Variants in CAMK4 observed in about 807,000 individuals in gnomAD.
CAMK4 encodes the protein calcium/calmodulin-dependent protein kinase type IV.
CAMK4 carries 22 observed loss-of-function variants against 44.9 expected under a neutral mutation model. The observed-to-expected ratio is 0.49, with a 90% CI of 0.35 to 0.70. CAMK4 has a LOEUF of 0.70. CAMK4 is among the 30% of genes least tolerant of loss of function. The pLI, the probability that CAMK4 is intolerant of heterozygous loss-of-function variation, is 0.01. For synonymous variants in CAMK4, 218 were observed against 215.4 expected, an observed-to-expected ratio of 1.01 and a Z score of -0.11; for missense variants, 498 against 586.8, an observed-to-expected ratio of 0.85 and a Z score of 1.56.
rs532509818 is a variant in CAMK4, at chr5:111,335,895, C to G, written c.162-8129C>G. Among the ~76,000 whole-genome samples the G allele has an allele frequency of 3.3e-5, 5 of 151,392 alleles. No individual in the cohort carries two copies. In the East Asian group the frequency reaches 9.8e-4, roughly 30 times the overall value. On this transcript the variant is annotated intron_variant, in intron 1 of 10. Coordinates refer to ENST00000282356, the MANE Select transcript of CAMK4 (RefSeq NM_001744.6). Reference sequence around the variant, plus strand: ...TTTTACAAACACATTACAGGTTTGACAACTCTCTCTTTTTGTGTAATGAAA... The same window carrying G: ...TTTTACAAACACATTACAGGTTTGAGAACTCTCTCTTTTTGTGTAATGAAA...
chr5:111,449,388 AAGG>A (rs1173127966), intron 7 of CAMK4, among the ~76,000 whole-genome samples, 185 bp downstream of exon 7: 1 of 152,220 alleles, frequency 6.6e-6, no homozygotes, highest in East Asian at 1.9e-4. Flanking sequence ...TGAGAGGTTC[AAGG>A]ATGTTGGTTT....
chr5:111,361,516 A>G (rs932643019), intron 2 of CAMK4, among the ~76,000 whole-genome samples: 1 of 152,056 alleles, frequency 6.6e-6, no homozygotes, highest in Non-Finnish European at 1.5e-5. Flanking sequence ...AATTACCAAA[A>G]TTACTGTCTT....
chr5:111,321,011 A>G (rs1748640507), intron 1 of CAMK4, among the ~76,000 whole-genome samples: 1 of 152,176 alleles, frequency 6.6e-6, no homozygotes, highest in African/African-American at 2.4e-5. Flanking sequence ...ATGGACTCCT[A>G]ACCACTAGAC....
At chr5:111,244,256 A>T (rs1424122703) in intron 1 of CAMK4, among the ~76,000 whole-genome samples, 3 of 152,224 alleles carry the variant, frequency 2.0e-5, no homozygotes, top group Non-Finnish European at 4.4e-5. Context: ...TCTACCTTGT[A>T]TGTTTTGCTT....
At chr5:111,459,398 A>G (rs1355136515) in intron 7 of CAMK4, among the ~76,000 whole-genome samples, 1 of 152,088 alleles carries the variant, frequency 6.6e-6, no homozygotes, top group Non-Finnish European at 1.5e-5. Context: ...AAGCTGATTG[A>G]CTCATCACTC....
In CAMK4 at chr5:111,351,436, G is replaced by A. The variant is rs75014826; in HGVS notation, c.240+7334G>A. ...TTTTTTTTTTTTGAGACAGAGTTTCGCTTTTGTTGTACATGCTGGAGTGTG... is the reference window on the plus strand; with the variant it reads ...TTTTTTTTTTTTGAGACAGAGTTTCACTTTTGTTGTACATGCTGGAGTGTG... On this transcript the variant is annotated intron_variant, in intron 2 of 10. Transcript: ENST00000282356. Among the ~76,000 whole-genome samples, 513 of 148,870 alleles carry A rather than the reference G, an allele frequency of 3.4e-3. 3 individuals carry two copies. The highest frequency in any genetic ancestry group is 0.011 in the African/African-American group (436 of 40,270).
intron 1 of CAMK4, among the ~76,000 whole-genome samples, chr5:111,310,647 A>G (rs1748162428): frequency 6.6e-6 from 1 of 152,186 alleles, no homozygotes; most frequent in African/African-American, 2.4e-5. Context: ...AGCTAGTATT[A>G]CTTTTCATGC....
chr5:111,346,867 A>G (rs560293272), intron 2 of CAMK4, among the ~76,000 whole-genome samples: 1 of 149,542 alleles, frequency 6.7e-6, no homozygotes, highest in East Asian at 2.0e-4. Flanking sequence ...CAGGACTTGT[A>G]GTGAGAGAAA....
intron 4 of CAMK4, among the ~76,000 whole-genome samples, chr5:111,388,639 T>G (rs924564296): frequency 3.3e-5 from 5 of 152,200 alleles, no homozygotes; most frequent in Admixed American, 1.3e-4. Context: ...AATAACTCTA[T>G]CACATCATTT....
intron 1 of CAMK4, among the ~76,000 whole-genome samples, chr5:111,322,093 T>C (rs1246686350): frequency 6.6e-6 from 1 of 152,032 alleles, no homozygotes; most frequent in African/African-American, 2.4e-5. Context: ...ACAGTTGTTT[T>C]CAGGCATTGA....
At chr5:111,276,375 G>A (rs1039557038) in intron 1 of CAMK4, among the ~76,000 whole-genome samples, 11 of 151,960 alleles carry the variant, frequency 7.2e-5, no homozygotes, top group Admixed American at 2.6e-4. Flanking sequence ...AGCTATCTTG[G>A]GGCTGTTCGC....
intron 5 of CAMK4, among the ~76,000 whole-genome samples, chr5:111,442,844 C>T (rs1753876584): frequency 6.7e-6 from 1 of 148,980 alleles, no homozygotes; most frequent in South Asian, 2.1e-4. Flanking sequence ...TTTTAATAAG[C>T]AATGTCATGA....
chr5:111,416,885 G>A (rs1030298287), intron 5 of CAMK4, among the ~76,000 whole-genome samples: 10 of 152,052 alleles, frequency 6.6e-5, no homozygotes, highest in Non-Finnish European at 1.2e-4. Flanking sequence ...CAAATTTAGA[G>A]TAGAATTTTG....
intron 1 of CAMK4, among the ~76,000 whole-genome samples, chr5:111,266,755 G>A (rs1481850179): frequency 6.6e-6 from 1 of 152,198 alleles, no homozygotes; most frequent in Non-Finnish European, 1.5e-5. Context: ...ATTTTGATTG[G>A]CCCTATGCCA....
rs60836606 is a variant in CAMK4, at chr5:111,391,021, G to A, written c.387-3689G>A. On this transcript the variant is annotated intron_variant, in intron 4 of 10. Transcript: ENST00000282356. The stretch of plus-strand genomic sequence containing the variant: ...AAAAAGAGAAGCTGAAATTGGGAGT[G>A]ATTTTTACCATCCAAATTTCTGAAA... Among the ~76,000 whole-genome samples the A allele has an allele frequency of 1.6e-3, 244 of 152,228 alleles. 2 individuals carry two copies. The highest frequency in any genetic ancestry group is 5.5e-3 in the African/African-American group (228 of 41,540).
At chr5:111,342,035 T>C (rs1166740957) in intron 1 of CAMK4, among the ~76,000 whole-genome samples, 1 of 151,530 alleles carries the variant, frequency 6.6e-6, no homozygotes, top group Non-Finnish European at 1.5e-5. Context: ...TGTAGCTTTA[T>C]AGTAAGTCTA....
At chr5:111,279,090 A>C (rs1439337778) in intron 1 of CAMK4, among the ~76,000 whole-genome samples, 1 of 152,206 alleles carries the variant, frequency 6.6e-6, no homozygotes, top group African/African-American at 2.4e-5. Flanking sequence ...GGGCCTGCTC[A>C]GCGAGGTGTC....
At position 111,344,074 on chromosome 5, in the gene CAMK4, C is replaced by T; in HGVS notation, c.212C>T (p.Pro71Leu). The change falls in exon 2 of 11, where the codon CCT becomes CTT. Residue 71 changes from proline to leucine, a missense_variant. Transcript: ENST00000282356. ...TGCAAACAGAAGGGGACCCAGAAGC[C>T]TTATGCTCTCAAAGTGTTAAAGAAA... ...YRCKQKGTQK[P>L]YALKVLKKTV... The T allele has an allele frequency of 6.2e-7, 1 of 1,605,656 alleles. No individual in the cohort carries two copies. Among genetic ancestry groups the T allele is most frequent in the Non-Finnish European group, 8.5e-7 (1 of 1,173,178 alleles).
At chr5:111,355,716 T>C (rs1223529628) in intron 2 of CAMK4, among the ~76,000 whole-genome samples, 1 of 148,754 alleles carries the variant, frequency 6.7e-6, no homozygotes, top group African/African-American at 2.5e-5. Context: ...TGTGCTCTCA[T>C]TGTTCAATTC....
Sources: allele counts gnomAD v4.1 joint callset (sites outside exome capture counted in the v4.1 genomes callset), GRCh38; gene constraint gnomAD v4.1.1; transcripts MANE v1.5; gene names NCBI Gene and HGNC (gene_info 2026-07-23, HGNC 2026-07-21).